XKR4: variants seen among roughly 807,000 people sequenced by gnomAD.
XKR4 encodes XK-related protein 4.
XKR4 carries 12 observed loss-of-function variants against 53.9 expected under a neutral mutation model. The ratio of observed to expected loss-of-function variants is 0.22; its 90% CI spans 0.14 to 0.36. XKR4 has a LOEUF of 0.36. Among genes scored for constraint, XKR4 ranks in the 10% least tolerant of loss-of-function variants. XKR4 has a pLI of 1.00. For synonymous variants in XKR4, 354 were observed against 362.4 expected (o/e 0.98, Z 0.26); for missense variants, 799 against 859.5 (o/e 0.93, Z 0.88).
intron 2 of XKR4, among the ~76,000 whole-genome samples, chr8:55,404,990 C>T (rs747437286): frequency 3.3e-5 from 5 of 152,190 alleles, no homozygotes; most frequent in Non-Finnish European, 5.9e-5. Context: ...TGCAAAATGC[C>T]TGTCTTGCCA....
intron 1 of XKR4, among the ~76,000 whole-genome samples, chr8:55,244,457 C>T (rs1818255486): frequency 6.6e-6 from 1 of 152,148 alleles, no homozygotes; most frequent in African/African-American, 2.4e-5. Context: ...TTCCTTTATT[C>T]AGTCTACCAT....
chr8:55,400,542 T>C (rs1473173577), intron 2 of XKR4, among the ~76,000 whole-genome samples: 2 of 152,022 alleles, frequency 1.3e-5, no homozygotes, highest in African/African-American at 4.8e-5. Context: ...GGAATCCCCA[T>C]GGGGCGGTAA....
At chr8:55,238,285 C>T (rs531070820) in intron 1 of XKR4, among the ~76,000 whole-genome samples, 2 of 152,318 alleles carry the variant, frequency 1.3e-5, no homozygotes, top group Admixed American at 1.3e-4. Context: ...GGTTTAGCTG[C>T]ACCATCTTCC....
intron 1 of XKR4, among the ~76,000 whole-genome samples, chr8:55,230,613 C>T (rs1026610508): frequency 1.4e-4 from 22 of 152,144 alleles, no homozygotes; most frequent in Non-Finnish European, 2.8e-4. Context: ...AGTGATCCGC[C>T]CACCTCGGCC....
At chr8:55,422,720 G>A (rs1804952628) in intron 2 of XKR4, among the ~76,000 whole-genome samples, 1 of 152,204 alleles carries the variant, frequency 6.6e-6, no homozygotes, top group Admixed American at 6.5e-5. Flanking sequence ...TCAAGCACTG[G>A]AATGATAGCA....
chr8:55,116,032 A>T (rs1323415642), intron 1 of XKR4, among the ~76,000 whole-genome samples: 1 of 152,176 alleles, frequency 6.6e-6, no homozygotes, highest in African/African-American at 2.4e-5. Context: ...TAGAGAGTGA[A>T]GAGCTCTGAC....
chr8:55,259,711 G>T (rs961934138), intron 1 of XKR4, among the ~76,000 whole-genome samples: 1 of 152,202 alleles, frequency 6.6e-6, no homozygotes, highest in African/African-American at 2.4e-5. Flanking sequence ...CTACCTATCT[G>T]GTCATTTTAT....
intron 2 of XKR4, chr8:55,452,954 C>T: frequency 1.3e-6 from 1 of 776,870 alleles, no homozygotes; most frequent in Non-Finnish European, 2.3e-6. Context: ...TCAGCTCCTG[C>T]TGCTTCTCAC....
At chr8:55,428,999 G>A (rs1805058311) in intron 2 of XKR4, among the ~76,000 whole-genome samples, 1 of 152,092 alleles carries the variant, frequency 6.6e-6, no homozygotes, top group Non-Finnish European at 1.5e-5. Context: ...CAAACTAGTA[G>A]GAATCAATTT....
intron 1 of XKR4, among the ~76,000 whole-genome samples, chr8:55,217,103 G>T (rs1372113398): frequency 6.6e-6 from 1 of 151,840 alleles, no homozygotes; most frequent in Non-Finnish European, 1.5e-5. Flanking sequence ...TTAGCCGGGC[G>T]TGGTGGCGGG....
chr8:55,408,184 G>A (rs1004508527), intron 2 of XKR4, among the ~76,000 whole-genome samples: 2 of 152,172 alleles, frequency 1.3e-5, no homozygotes, highest in Non-Finnish European at 2.9e-5. Context: ...TTCAGGGAAG[G>A]TTAAACAGTT....
chr8:55,460,952 C>T (rs1170215562), intron 2 of XKR4, among the ~76,000 whole-genome samples: 4 of 152,256 alleles, frequency 2.6e-5, no homozygotes, highest in African/African-American at 7.2e-5. Context: ...CGCCATTGCT[C>T]AGGCTTGAGT....
At chr8:55,369,601 T>C (rs1804044038) in intron 2 of XKR4, among the ~76,000 whole-genome samples, 1 of 151,674 alleles carries the variant, frequency 6.6e-6, no homozygotes, top group Admixed American at 6.6e-5. Flanking sequence ...AGAATAAAAA[T>C]CTTGCCCCTA....
intron 2 of XKR4, among the ~76,000 whole-genome samples, chr8:55,412,815 C>T (rs1199177991): frequency 6.6e-6 from 1 of 152,200 alleles, no homozygotes. Context: ...CTAAAGTTGG[C>T]TACACCAAAT....
At chr8:55,112,562 G>GTTTTTTTT (rs761779642) in intron 1 of XKR4, among the ~76,000 whole-genome samples, 971 of 77,200 alleles carry the variant, frequency 0.013, 175 homozygotes, top group African/African-American at 0.014. Flanking sequence ...TACTTTTCAG[G>GTTTTTTTT]TTTTTTTTTT....
At position 55,531,479 on chromosome 8, in the gene XKR4, T is replaced by C. The variant is rs959096118; in HGVS notation, c.*7252T>C. The C allele has an allele frequency of 6.6e-6, 1 of 152,056 alleles. No homozygotes were observed. Among genetic ancestry groups the C allele is most frequent in the Admixed American group, 6.6e-5 (1 of 15,254 alleles). 9.4% of individuals were successfully genotyped at this position (152,056 alleles called of 1,614,324 possible). A position where few individuals can be genotyped will look rare whatever the true frequency, so the allele number is the denominator to read the frequency against. ...ATACAATTAACATATGAAATAATGA[T>C]GATGAACATAAAGTAACAATACAAA... On this transcript the variant is annotated 3_prime_UTR_variant, in exon 3 of 3. Coordinates refer to ENST00000327381, the MANE Select transcript of XKR4 (RefSeq NM_052898.2).
chr8:55,158,260 C>T (rs187054840), intron 1 of XKR4, among the ~76,000 whole-genome samples: 7 of 152,202 alleles, frequency 4.6e-5, no homozygotes, highest in Non-Finnish European at 8.8e-5. Flanking sequence ...AGATTAGTGA[C>T]GTTGAGGATT....
chr8:55,423,137 C>T (rs1433123278), intron 2 of XKR4, among the ~76,000 whole-genome samples: 3 of 151,882 alleles, frequency 2.0e-5, no homozygotes, highest in African/African-American at 7.3e-5. Context: ...GCTCTGTTGC[C>T]CAGGCTGGAG....
chr8:55,275,521 A>T (rs1388601786), intron 1 of XKR4, among the ~76,000 whole-genome samples: 1 of 152,166 alleles, frequency 6.6e-6, no homozygotes, highest in Non-Finnish European at 1.5e-5. Context: ...TAAGCTAGAG[A>T]ATATCAGGGA....
Sources: allele counts gnomAD v4.1 joint callset (sites outside exome capture counted in the v4.1 genomes callset), GRCh38; gene constraint gnomAD v4.1.1; transcripts MANE v1.5; gene names NCBI Gene and HGNC (gene_info 2026-07-23, HGNC 2026-07-21).